Variants in RELN observed in about 807,000 individuals in gnomAD.
RELN encodes reelin.
RELN carries 108 observed loss-of-function variants against 427.6 expected under a neutral mutation model. That is an observed-to-expected ratio of 0.25 (90% CI 0.22 to 0.30). The LOEUF is 0.30. Among genes scored for constraint, RELN ranks in the 10% least tolerant of loss-of-function variants. RELN has a pLI of 1.00. For missense variants in RELN, 3,715 were observed against 4,302.8 expected (o/e 0.86, Z 3.82); for synonymous variants, 1,524 against 1,513.4 (o/e 1.01, Z -0.16).
At chr7:103,544,515 G>C (rs1830247361) in intron 42 of RELN, among the ~76,000 whole-genome samples, 2 of 152,076 alleles carry the variant, frequency 1.3e-5, no homozygotes, top group South Asian at 4.1e-4. Flanking sequence ...ATGAGCCACT[G>C]CACCAGGCCG....
chr7:103,820,548 A>T, intron 3 of RELN, among the ~76,000 whole-genome samples: 1 of 114,110 alleles, frequency 8.8e-6, no homozygotes, highest in East Asian at 2.5e-4. Flanking sequence ...AAAAACACTC[A>T]TTCTTAAAAA....
chr7:103,654,342 C>A, intron 12 of RELN, 137 bp from the exon 13 acceptor site: 2 of 656,400 alleles, frequency 3.0e-6, no homozygotes, highest in East Asian at 2.8e-5. Flanking sequence ...CAAAGGTAAA[C>A]AGACTCAAGG....
intron 63 of RELN, among the ~76,000 whole-genome samples, chr7:103,481,215 G>A (rs1365329698): frequency 2.0e-5 from 3 of 152,186 alleles, no homozygotes; most frequent in African/African-American, 7.2e-5. Context: ...GTGATGATAT[G>A]TCTCTGAAAT....
At chr7:103,657,100 T>C (rs1022176061) in intron 12 of RELN, among the ~76,000 whole-genome samples, 38 of 152,144 alleles carry the variant, frequency 2.5e-4, no homozygotes, top group African/African-American at 7.7e-4. Flanking sequence ...ATATAATAAA[T>C]ATTTACTGGA....
At chr7:103,966,930 G>T (rs576787816) in intron 1 of RELN, among the ~76,000 whole-genome samples, 1 of 152,126 alleles carries the variant, frequency 6.6e-6, no homozygotes, top group Non-Finnish European at 1.5e-5. Context: ...AGATGTTGGG[G>T]TCACTGATGA....
chr7:103,519,292 C>G (rs761540254), intron 49 of RELN, 31 bp downstream of exon 49: 1 of 1,540,164 alleles, frequency 6.5e-7, no homozygotes, highest in South Asian at 1.1e-5. Context: ...GCTCGATGTA[C>G]TCGTTATTAG....
At chr7:103,816,720 A>G (rs1317520873) in intron 3 of RELN, among the ~76,000 whole-genome samples, 2 of 152,176 alleles carry the variant, frequency 1.3e-5, no homozygotes, top group Non-Finnish European at 2.9e-5. Flanking sequence ...CTTGGGGATC[A>G]TGTAAGCTAC....
chr7:103,804,652 A>T (rs1208754414), intron 3 of RELN, among the ~76,000 whole-genome samples: 4 of 152,200 alleles, frequency 2.6e-5, no homozygotes, highest in Non-Finnish European at 4.4e-5. Flanking sequence ...ATAAGAAACA[A>T]GATCTTTCAG....
chr7:103,598,258 C>G (rs1001518918), intron 24 of RELN, among the ~76,000 whole-genome samples: 1 of 152,130 alleles, frequency 6.6e-6, no homozygotes, highest in African/African-American at 2.4e-5. Flanking sequence ...CTTTGGAAAT[C>G]TCAATTTTAG....
intron 3 of RELN, among the ~76,000 whole-genome samples, chr7:103,789,843 A>C (rs1218467092): frequency 2.0e-5 from 3 of 152,298 alleles, no homozygotes. Context: ...GTATATACCC[A>C]AAGAATTATA....
chr7:103,490,698 G>C lies in RELN; in HGVS notation c.9575C>G (p.Thr3192Ser), dbSNP rs761198705. 3 of 1,614,184 alleles carry C rather than the reference G, an allele frequency of 1.9e-6. No individual in the cohort carries two copies. The East Asian group carries it at 6.7e-5, about 36-fold the overall frequency. Reference sequence around the variant, plus strand: ...GGAGACATGGTCAGGCAGCTGGATGGTGATTCTTTTCCAGCTTGAGCTGTT... The same window carrying C: ...GGAGACATGGTCAGGCAGCTGGATGCTGATTCTTTTCCAGCTTGAGCTGTT... ...SVNSSSWKRI[T>S]IQLPDHVSSS... The change falls in exon 59 of 65, where the codon ACC (threonine) becomes AGC (serine). Residue 3192 changes from threonine (T) to serine (S), a missense_variant. Physicochemically the swap from Thr to Ser is moderately conservative, Grantham distance 58. This residue lies in a region of RELN where 1,310 missense variants were observed against 1,643.0 expected (regional missense o/e 0.80). Coordinates refer to ENST00000428762, the MANE Select transcript of RELN (RefSeq NM_005045.4).
At chr7:103,684,721 C>T (rs10269791) in intron 10 of RELN, among the ~76,000 whole-genome samples, 4,964 of 152,170 alleles carry the variant, frequency 0.033, 265 homozygotes, top group African/African-American at 0.11. Context: ...TAATATCTAC[C>T]TGCTAGAGGT....
chr7:103,666,808 A>AT (rs923980494), intron 11 of RELN, among the ~76,000 whole-genome samples: 33 of 149,140 alleles, frequency 2.2e-4, no homozygotes, highest in South Asian at 6.4e-4. Context: ...CTTCTGGGAG[A>AT]TTTTTTTTTT....
At chr7:103,537,916 T>C (rs551288348) in intron 45 of RELN, among the ~76,000 whole-genome samples, 1 of 152,362 alleles carries the variant, frequency 6.6e-6, no homozygotes, top group East Asian at 1.9e-4. Context: ...ACTTCTTAGA[T>C]TGGCCAACCA....
chr7:103,836,466 G>A (rs1186498787), intron 2 of RELN, among the ~76,000 whole-genome samples: 2 of 152,086 alleles, frequency 1.3e-5, no homozygotes, highest in Non-Finnish European at 2.9e-5. Context: ...ATCATAGAAA[G>A]CTCTATTGAT....
chr7:103,731,292 T>C (rs1279096708), intron 6 of RELN, among the ~76,000 whole-genome samples: 2 of 152,074 alleles, frequency 1.3e-5, no homozygotes, highest in Non-Finnish European at 2.9e-5. Flanking sequence ...GCAGAAATTA[T>C]GACACACAGC....
In RELN at chr7:103,923,906, T is replaced by C. The variant is rs1045443987; in HGVS notation, c.227-6721A>G. On this transcript the variant is annotated intron_variant, in intron 1 of 64. Transcript: ENST00000428762. ...TTTGAGCACTACATGCCAGGTATTG[T>C]TCTAAATCTTTTATAGGTATTAATC... Among the ~76,000 whole-genome samples, 7 of 152,224 alleles carry C rather than the reference T, an allele frequency of 4.6e-5. No individual in the cohort carries two copies. The South Asian group carries it at 6.2e-4, about 14-fold the overall frequency.
At chr7:103,856,631 T>C (rs545992104) in intron 2 of RELN, among the ~76,000 whole-genome samples, 2 of 150,022 alleles carry the variant, frequency 1.3e-5, no homozygotes, top group Admixed American at 1.3e-4. Context: ...CAAAAATATC[T>C]AGAAAAAAAT....
intron 2 of RELN, among the ~76,000 whole-genome samples, chr7:103,843,234 T>C (rs1793597290): frequency 6.6e-6 from 1 of 152,032 alleles, no homozygotes; most frequent in African/African-American, 2.4e-5. Context: ...AGACAGGGTC[T>C]TGCTCTGTCA....
Sources: gnomAD v4.1 joint callset for allele counts (sites outside exome capture counted in the v4.1 genomes callset) on GRCh38, gnomAD v4.1.1 for gene constraint, gnomAD v4.1.1 regional missense constraint, MANE v1.5 for transcripts, NCBI Gene and HGNC (gene_info 2026-07-23, HGNC 2026-07-21) for gene names.